GULP1: variants seen among roughly 807,000 people sequenced by gnomAD.
GULP1 encodes GULP PTB domain containing engulfment adaptor 1, also known as PTB domain-containing engulfment adapter protein 1.
Under a neutral mutation model 40.9 loss-of-function variants are expected in GULP1, and 19 were observed. The ratio of observed to expected loss-of-function variants is 0.46; its 90% CI spans 0.32 to 0.68. The LOEUF (loss-of-function observed/expected upper bound fraction) is 0.68. GULP1 is among the 30% of genes least tolerant of loss of function. The pLI, the probability that GULP1 is intolerant of heterozygous loss-of-function variation, is 0.03. For synonymous variants in GULP1, 119 were observed against 117.6 expected, an observed-to-expected ratio of 1.01 and a Z score of -0.08; for missense variants, 312 against 362.2, an observed-to-expected ratio of 0.86 and a Z score of 1.12.
At chr2:188,567,730 C>T (rs1176042494) in intron 7 of GULP1, among the ~76,000 whole-genome samples, 5 of 152,220 alleles carry the variant, frequency 3.3e-5, no homozygotes, top group Admixed American at 6.5e-5. Context: ...CTAACCTGCA[C>T]ATTCTGCACA....
At position 188,292,433 on chromosome 2, in the gene GULP1, CTG is replaced by C. The variant is rs1351893151; in HGVS notation, c.-172+268_-172+269del. 6.6e-6 allele frequency among the ~76,000 whole-genome samples: 1 copy of C among 152,188 alleles called. No homozygotes were observed. Among genetic ancestry groups the C allele is most frequent in the African/African-American group, 2.4e-5 (1 of 41,452 alleles). On this transcript the variant is annotated intron_variant, in intron 1 of 11. Transcript: ENST00000409830. This position sits in a 1 kb window ranked among gnomAD's most constrained non-coding sequence, Gnocchi z 4.0. ...TGCTATGGCAGCGCTTGAGAAATGA[CTG>C]GGGGAGTCCAGCGAGGTCGGGGACG...
At chr2:188,449,824 T>C (rs1004531747) in intron 2 of GULP1, among the ~76,000 whole-genome samples, 4 of 152,108 alleles carry the variant, frequency 2.6e-5, no homozygotes, top group African/African-American at 7.2e-5. Context: ...CAGTGAGAAA[T>C]TGGTTTTCCT....
chr2:188,431,410 C>T lies in GULP1; in HGVS notation c.-44-46249C>T, dbSNP rs369945329. Reference sequence around the variant, plus strand: ...ATCTCAGGTCTTCTCAAAGGGTGGACAGTTGAAAGCAGCAGGGTATAGAAA... The same window carrying T: ...ATCTCAGGTCTTCTCAAAGGGTGGATAGTTGAAAGCAGCAGGGTATAGAAA... On this transcript the variant is annotated intron_variant, in intron 2 of 11. Coordinates refer to ENST00000409830, the MANE Select transcript of GULP1 (RefSeq NM_016315.4). Among the ~76,000 whole-genome samples, 33 of 152,112 alleles carry T rather than the reference C, an allele frequency of 2.2e-4. 1 individual carries two copies. Among genetic ancestry groups the T allele is most frequent in the African/African-American group, 8.0e-4 (33 of 41,492 alleles).
At chr2:188,567,706 CG>C (rs901336189) in intron 7 of GULP1, among the ~76,000 whole-genome samples, 1 of 151,988 alleles carries the variant, frequency 6.6e-6, no homozygotes, top group Non-Finnish European at 1.5e-5. Flanking sequence ...CCATGGCACA[CG>C]TATACTGTAT....
chr2:188,394,540 T>C (rs1258704303), intron 2 of GULP1, among the ~76,000 whole-genome samples: 1 of 152,208 alleles, frequency 6.6e-6, no homozygotes, highest in Non-Finnish European at 1.5e-5. Context: ...AAATTTCATC[T>C]TGGTTTGGAC....
At chr2:188,509,712 CACTT>C (rs567727431) in intron 4 of GULP1, among the ~76,000 whole-genome samples, 340 of 152,162 alleles carry the variant, frequency 2.2e-3, no homozygotes, top group Admixed American at 3.9e-3. Flanking sequence ...AAACAATAAT[CACTT>C]ACAGCTAGAA....
intron 5 of GULP1, 152 bp downstream of exon 5, chr2:188,522,979 A>T (rs1038879871): frequency 5.8e-6 from 3 of 516,506 alleles, no homozygotes; most frequent in African/African-American, 5.7e-5. Context: ...ATATCAAGGA[A>T]ACATTTTTAA....
intron 2 of GULP1, among the ~76,000 whole-genome samples, chr2:188,475,340 C>T (rs2060923011): frequency 6.6e-6 from 1 of 152,174 alleles, no homozygotes; most frequent in Non-Finnish European, 1.5e-5. Flanking sequence ...ATTATCATGT[C>T]ATTATATATC....
chr2:188,357,355 C>T (rs1023377641), intron 1 of GULP1, among the ~76,000 whole-genome samples: 15 of 151,958 alleles, frequency 9.9e-5, no homozygotes, highest in Non-Finnish European at 4.4e-5. Flanking sequence ...CAACAGCTTC[C>T]AAACAAATAA....
chr2:188,403,348 A>G (rs2052585573), intron 2 of GULP1, among the ~76,000 whole-genome samples: 1 of 152,146 alleles, frequency 6.6e-6, no homozygotes. Flanking sequence ...TTGAGATAGT[A>G]ACACATAAAT....
intron 5 of GULP1, among the ~76,000 whole-genome samples, chr2:188,526,745 C>T (rs1686255775): frequency 6.6e-6 from 1 of 152,084 alleles, no homozygotes; most frequent in African/African-American, 2.4e-5. Context: ...GAAGGTAGAA[C>T]TGGGAATTTT....
chr2:188,322,379 G>A (rs1050047461), intron 1 of GULP1, among the ~76,000 whole-genome samples: 11 of 151,994 alleles, frequency 7.2e-5, no homozygotes, highest in South Asian at 6.2e-4. Flanking sequence ...ATATAACCTC[G>A]TTAGTTTGTC....
intron 2 of GULP1, among the ~76,000 whole-genome samples, chr2:188,422,735 A>AC: frequency 6.6e-6 from 1 of 152,244 alleles, no homozygotes; most frequent in East Asian, 1.9e-4. Context: ...CACATTATAA[A>AC]TAAATTTTTT....
chr2:188,594,060 A>G lies in GULP1; in HGVS notation c.*49A>G, dbSNP rs1377966315. On this transcript the variant is annotated 3_prime_UTR_variant, in exon 12 of 12. Transcript: ENST00000409830. ...TCATGTTAAATGTGTTTGTATACACATGTCATTTATTATTATTACTTTAAG... is the reference window on the plus strand; with the variant it reads ...TCATGTTAAATGTGTTTGTATACACGTGTCATTTATTATTATTACTTTAAG... 2 of 913,928 alleles carry G rather than the reference A, an allele frequency of 2.2e-6. No homozygotes were observed. The highest frequency in any genetic ancestry group is 1.8e-6 in the Non-Finnish European group (1 of 556,262). 56.6% of individuals were successfully genotyped at this position (913,928 alleles called of 1,614,324 possible).
Position 188,297,437 on chromosome 2 carries a change from G to GT in GULP1, c.-172+5272dup, listed in dbSNP as rs969789626. ...TTTATACAAATGTAGTGTTTTCCTG[G>GT]TATGGTACAGCTTTTTCTTAATATT... On this transcript the variant is annotated intron_variant, in intron 1 of 11. Coordinates refer to ENST00000409830, the MANE Select transcript of GULP1 (RefSeq NM_016315.4). 1.2e-4 allele frequency: 56 copies of GT among 457,418 alleles called. 1 individual carries two copies. The highest frequency in any genetic ancestry group is 9.4e-4 in the African/African-American group (46 of 49,038). The allele number at this position is 457,418 out of a possible 1,614,324, so 28.3% of individuals were successfully genotyped here.
intron 2 of GULP1, among the ~76,000 whole-genome samples, chr2:188,407,021 C>T (rs1559204478): frequency 6.6e-6 from 1 of 152,038 alleles, no homozygotes; most frequent in Non-Finnish European, 1.5e-5. Context: ...AGAAACATAT[C>T]ACACATAAGG....
At chr2:188,343,687 A>G (rs1204765503) in intron 1 of GULP1, among the ~76,000 whole-genome samples, 1 of 152,228 alleles carries the variant, frequency 6.6e-6, no homozygotes, top group Non-Finnish European at 1.5e-5. Flanking sequence ...ACAAATACCC[A>G]TTACAGATAA....
At chr2:188,411,050 C>T (rs143205932) in intron 2 of GULP1, among the ~76,000 whole-genome samples, 1,855 of 152,242 alleles carry the variant, frequency 0.012, 16 homozygotes, top group East Asian at 0.022. Flanking sequence ...ATGTCAATTA[C>T]CCTCTAGTGG....
At chr2:188,514,079 G>GTT (rs1367878575) in intron 4 of GULP1, among the ~76,000 whole-genome samples, 5 of 150,334 alleles carry the variant, frequency 3.3e-5, no homozygotes, top group African/African-American at 4.9e-5. Context: ...GTGTGTGTGT[G>GTT]TGTGCGCCCT....
Sources: gnomAD v4.1 joint callset for allele counts (sites outside exome capture counted in the v4.1 genomes callset) on GRCh38, gnomAD v4.1.1 for gene constraint, Gnocchi (gnomAD v3.1) non-coding constraint, MANE v1.5 for transcripts, NCBI Gene and HGNC (gene_info 2026-07-23, HGNC 2026-07-21) for gene names.